The following SMYD3 variants were observed in gnomAD, a reference collection of about 807,000 sequenced individuals.
SMYD3 encodes histone-lysine N-methyltransferase SMYD3.
Under a neutral mutation model 57.7 loss-of-function variants are expected in SMYD3, and 36 were observed. The ratio of observed to expected loss-of-function variants is 0.62; its 90% CI spans 0.48 to 0.82. SMYD3 has a LOEUF of 0.82. Ranked by LOEUF, SMYD3 falls within the 40% of genes least tolerant of loss-of-function variation. The pLI is 0.00. For missense variants in SMYD3, 515 were observed against 538.8 expected (o/e 0.96, Z 0.44); for synonymous variants, 211 against 195.0 (o/e 1.08, Z -0.68).
chr1:246,395,509 T>C (rs2066644349), intron 1 of SMYD3, among the ~76,000 whole-genome samples: 1 of 152,186 alleles, frequency 6.6e-6, no homozygotes, highest in East Asian at 1.9e-4. Flanking sequence ...GCAAAACCAC[T>C]GGCTGTTACG....
At chr1:246,033,573 G>A (rs2059716911) in intron 5 of SMYD3, among the ~76,000 whole-genome samples, 1 of 152,140 alleles carries the variant, frequency 6.6e-6, no homozygotes, top group African/African-American at 2.4e-5. Flanking sequence ...ATCACGTGAG[G>A]TCAGGAGTTC....
At chr1:245,952,840 C>T (rs2057705259) in intron 5 of SMYD3, among the ~76,000 whole-genome samples, 1 of 152,174 alleles carries the variant, frequency 6.6e-6, no homozygotes. Flanking sequence ...CCTGAACTCC[C>T]CACATACCCT....
intron 1 of SMYD3, among the ~76,000 whole-genome samples, chr1:246,380,118 C>T (rs1276032841): frequency 6.6e-6 from 1 of 151,928 alleles, no homozygotes; most frequent in Non-Finnish European, 1.5e-5. Flanking sequence ...GAAAAATATT[C>T]AGAGATAATA....
chr1:245,903,607 G>A (rs1014867320), intron 8 of SMYD3, among the ~76,000 whole-genome samples: 10 of 152,166 alleles, frequency 6.6e-5, no homozygotes, highest in South Asian at 2.1e-4. Context: ...GTCCTGAATC[G>A]CCAGTGCCAC....
intron 5 of SMYD3, among the ~76,000 whole-genome samples, chr1:246,000,037 G>C (rs1258880557): frequency 1.3e-5 from 2 of 152,200 alleles, no homozygotes; most frequent in Admixed American, 1.3e-4. Context: ...AAATGAGATA[G>C]GCTATGACTG....
chr1:245,895,132 G>A (rs1285202445), intron 8 of SMYD3, among the ~76,000 whole-genome samples: 1 of 152,006 alleles, frequency 6.6e-6, no homozygotes, highest in Non-Finnish European at 1.5e-5. Flanking sequence ...CACTGCAGAC[G>A]GGATTATGTG....
rs2062939064 is a variant in SMYD3 at position 246,202,650 on chromosome 1, C to G, written c.531+124551G>C. ...CAATTCCTCCTTGAAAACAACAGTT[C>G]TTGACAACAAGGACTTCCTGGTATC... On this transcript the variant is annotated intron_variant, in intron 5 of 11. Coordinates refer to ENST00000490107, the MANE Select transcript of SMYD3 (RefSeq NM_001167740.2). The surrounding 1 kb of genome is among the most constrained non-coding windows in gnomAD (Gnocchi z 4.1). 6.6e-6 allele frequency among the ~76,000 whole-genome samples: 1 copy of G among 152,208 alleles called. No individual in the cohort carries two copies. Among genetic ancestry groups the G allele is most frequent in the South Asian group, 2.1e-4 (1 of 4,836 alleles).
At chr1:245,843,363 G>A (rs2050495616) in intron 10 of SMYD3, among the ~76,000 whole-genome samples, 1 of 152,162 alleles carries the variant, frequency 6.6e-6, no homozygotes, top group Non-Finnish European at 1.5e-5. Context: ...AGCTACAGCT[G>A]CTTTGGGGAT....
chr1:245,845,406 T>C (rs1188343676), intron 10 of SMYD3, among the ~76,000 whole-genome samples: 2 of 152,336 alleles, frequency 1.3e-5, no homozygotes, highest in East Asian at 3.9e-4. Flanking sequence ...AAATAAATGC[T>C]ACATTTTGTA....
chr1:245,763,904 C>T lies in SMYD3; in HGVS notation c.1185+137G>A, dbSNP rs192769599. On this transcript the variant is annotated intron_variant, in intron 11 of 11. Coordinates refer to ENST00000490107, the MANE Select transcript of SMYD3 (RefSeq NM_001167740.2). The stretch of plus-strand genomic sequence containing the variant: ...GGTTTTTTCCAGAGTGGTTGTTAAA[C>T]ATTTACCAGCACACACTGGGCATGC... 2.3e-5 allele frequency: 14 copies of T among 607,112 alleles called. No individual in the cohort carries two copies. The East Asian group carries it at 4.1e-4, about 18-fold the overall frequency. 37.6% of individuals were successfully genotyped at this position (607,112 alleles called of 1,614,324 possible).
chr1:246,285,418 C>T (rs1342821343), intron 5 of SMYD3, among the ~76,000 whole-genome samples: 1 of 152,056 alleles, frequency 6.6e-6, no homozygotes, highest in African/African-American at 2.4e-5. Context: ...TCTGCTGGTA[C>T]AAACATGCGA....
At chr1:245,828,612 C>T (rs2049643209) in intron 10 of SMYD3, among the ~76,000 whole-genome samples, 1 of 151,876 alleles carries the variant, frequency 6.6e-6, no homozygotes, top group South Asian at 2.1e-4. Flanking sequence ...TACATGTACA[C>T]ATTTTTATCC....
At chr1:245,803,564 G>A (rs1558358462) in intron 10 of SMYD3, among the ~76,000 whole-genome samples, 3 of 152,194 alleles carry the variant, frequency 2.0e-5, no homozygotes, top group Admixed American at 1.3e-4. Flanking sequence ...GTGGGAAGAA[G>A]ATGGACGACA....
chr1:245,761,600 T>C (rs2148042635), intron 11 of SMYD3, among the ~76,000 whole-genome samples: 1 of 152,284 alleles, frequency 6.6e-6, no homozygotes, highest in East Asian at 1.9e-4. Flanking sequence ...CCCATATTTT[T>C]CCCTGAGTTG....
chr1:245,816,137 A>G (rs1448058873), intron 10 of SMYD3, among the ~76,000 whole-genome samples: 1 of 152,216 alleles, frequency 6.6e-6, no homozygotes, highest in African/African-American at 2.4e-5. Context: ...AGCATAATAA[A>G]TAAAGAAGCT....
At chr1:245,847,127 A>T (rs1222403740) in intron 10 of SMYD3, among the ~76,000 whole-genome samples, 1 of 152,194 alleles carries the variant, frequency 6.6e-6, no homozygotes, top group Admixed American at 6.5e-5. Context: ...AGAATAGTAC[A>T]CATTTTTCCA....
intron 7 of SMYD3, among the ~76,000 whole-genome samples, chr1:245,921,570 T>TATATATATATATATATATAG (rs1231534223): frequency 6.8e-6 from 1 of 147,898 alleles, no homozygotes; most frequent in East Asian, 2.1e-4. Context: ...TATATATATA[T>TATATATATATATATATATAG]ACACATACCA....
intron 1 of SMYD3, among the ~76,000 whole-genome samples, chr1:246,382,021 A>G (rs1190103609): frequency 1.7e-4 from 23 of 132,786 alleles, no homozygotes; most frequent in African/African-American, 5.6e-4. Context: ...TGTAGCCCCA[A>G]ATCCCTCCAG....
intron 1 of SMYD3, among the ~76,000 whole-genome samples, chr1:246,443,530 T>G (rs1338661625): frequency 1.3e-5 from 2 of 152,190 alleles, no homozygotes; most frequent in African/African-American, 2.4e-5. Context: ...TTAAAACACT[T>G]GAAAGAAATA....
Sources: gnomAD v4.1 joint callset for allele counts (sites outside exome capture counted in the v4.1 genomes callset) on GRCh38, gnomAD v4.1.1 for gene constraint, Gnocchi (gnomAD v3.1) non-coding constraint, MANE v1.5 for transcripts, NCBI Gene and HGNC (gene_info 2026-07-23, HGNC 2026-07-21) for gene names.